The following OLFM3 variants were observed in gnomAD, a reference collection of about 807,000 sequenced individuals.
OLFM3 encodes olfactomedin 3.
OLFM3 carries 20 observed loss-of-function variants against 48.6 expected under a neutral mutation model. That is an observed-to-expected ratio of 0.41 (90% CI 0.29 to 0.60). The LOEUF is 0.60. Among genes scored for constraint, OLFM3 ranks in the 20% least tolerant of loss-of-function variants. The pLI is 0.28. For missense variants in OLFM3, 437 were observed against 544.3 expected, an observed-to-expected ratio of 0.80 and a Z score of 1.96; for synonymous variants, 222 against 198.1, an observed-to-expected ratio of 1.12 and a Z score of -1.01.
At chr1:101,989,562 C>G (rs1255657877) in intron 1 of OLFM3, among the ~76,000 whole-genome samples, 1 of 107,864 alleles carries the variant, frequency 9.3e-6, no homozygotes, top group Non-Finnish European at 2.2e-5. Flanking sequence ...GGGGTCTATT[C>G]TAGATATTAC....
intron 1 of OLFM3, among the ~76,000 whole-genome samples, chr1:101,880,260 C>T (rs181712261): frequency 1.9e-3 from 287 of 151,846 alleles, no homozygotes; most frequent in Admixed American, 3.2e-3. Context: ...ACTTGGATAC[C>T]TGCTATTCTG....
At chr1:101,835,606 C>T (rs971876884) in intron 2 of OLFM3, among the ~76,000 whole-genome samples, 1 of 152,210 alleles carries the variant, frequency 6.6e-6, no homozygotes, top group East Asian at 1.9e-4. Context: ...TGAGCCAGCA[C>T]ACCTGGCCTT....
At chr1:101,895,298 A>C (rs1202146130) in intron 1 of OLFM3, among the ~76,000 whole-genome samples, 2 of 151,620 alleles carry the variant, frequency 1.3e-5, no homozygotes, top group Non-Finnish European at 2.9e-5. Context: ...ACCTCCACTT[A>C]CCTCTGTTGC....
intron 3 of OLFM3, among the ~76,000 whole-genome samples, chr1:101,827,495 AT>A (rs1348600859): frequency 1.3e-5 from 2 of 152,074 alleles, no homozygotes; most frequent in Admixed American, 6.5e-5. Flanking sequence ...AAGTTTTTGT[AT>A]TTTTAGTAGA....
chr1:101,975,792 T>TATC (rs772549457), intron 1 of OLFM3, among the ~76,000 whole-genome samples: 7 of 152,136 alleles, frequency 4.6e-5, no homozygotes, highest in Non-Finnish European at 5.9e-5. Flanking sequence ...CAGAGGCTAC[T>TATC]ATCTTGAGGA....
chr1:101,935,735 C>T (rs1659593429), intron 1 of OLFM3, among the ~76,000 whole-genome samples: 1 of 152,036 alleles, frequency 6.6e-6, no homozygotes, highest in Non-Finnish European at 1.5e-5. Context: ...AACAAAAATA[C>T]CAGCAAACTG....
intron 1 of OLFM3, among the ~76,000 whole-genome samples, chr1:101,882,266 G>A (rs764051017): frequency 2.7e-4 from 40 of 148,422 alleles, no homozygotes; most frequent in Non-Finnish European, 4.9e-4. Context: ...ATTTATGTAT[G>A]TCAAAATCAA....
chr1:101,864,945 T>C (rs190581638), intron 1 of OLFM3, among the ~76,000 whole-genome samples: 172 of 152,334 alleles, frequency 1.1e-3, no homozygotes, highest in Middle Eastern at 3.4e-3. Context: ...CTCAGGATTC[T>C]CCCATTTCTG....
At chr1:101,933,129 G>A (rs1659503992) in intron 1 of OLFM3, among the ~76,000 whole-genome samples, 1 of 149,468 alleles carries the variant, frequency 6.7e-6, no homozygotes, top group African/African-American at 2.5e-5. Flanking sequence ...ATGAACCCGG[G>A]AGGCGGAGCT....
chr1:101,903,436 C>A (rs1472410774), intron 1 of OLFM3, among the ~76,000 whole-genome samples: 2 of 151,898 alleles, frequency 1.3e-5, no homozygotes, highest in African/African-American at 4.8e-5. Context: ...AGATTTAATA[C>A]CAAGGAAAAT....
intron 1 of OLFM3, among the ~76,000 whole-genome samples, chr1:101,906,606 A>T (rs1035314871): frequency 6.6e-6 from 1 of 152,166 alleles, no homozygotes; most frequent in Admixed American, 6.5e-5. Flanking sequence ...AAACAAAACA[A>T]TAAAACCATG....
intron 1 of OLFM3, among the ~76,000 whole-genome samples, chr1:101,851,343 T>C (rs778566107): frequency 2.6e-5 from 4 of 152,172 alleles, no homozygotes; most frequent in Non-Finnish European, 5.9e-5. Flanking sequence ...AGAGACTGAA[T>C]GAGATGACAT....
chr1:101,994,332 T>C (rs1661498241), intron 1 of OLFM3, among the ~76,000 whole-genome samples: 1 of 151,030 alleles, frequency 6.6e-6, no homozygotes, highest in African/African-American at 2.4e-5. Context: ...AGCATTTCTG[T>C]TCATTTAAGT....
rs771853704 is a variant in OLFM3 at position 101,804,196 on chromosome 1, C to T, written c.*42G>A. On this transcript the variant is annotated 3_prime_UTR_variant, in exon 6 of 6. Transcript: ENST00000370103. The surrounding 1 kb of genome is among the most constrained non-coding windows in gnomAD (Gnocchi z 4.5). Reference sequence around the variant, plus strand: ...GGAAGGGGTCTTATAGAGTTTATCACAAATCACACTGTTTAAATCAATGAA... The same window carrying T: ...GGAAGGGGTCTTATAGAGTTTATCATAAATCACACTGTTTAAATCAATGAA... The T allele has an allele frequency of 2.1e-6, 3 of 1,447,296 alleles. No homozygotes were observed. The highest frequency in any genetic ancestry group is 2.8e-6 in the Non-Finnish European group (3 of 1,073,942). 89.7% of individuals were successfully genotyped at this position (1,447,296 alleles called of 1,614,324 possible).
intron 1 of OLFM3, among the ~76,000 whole-genome samples, chr1:101,928,641 G>A (rs529721058): frequency 6.6e-6 from 1 of 151,996 alleles, no homozygotes; most frequent in Non-Finnish European, 1.5e-5. Flanking sequence ...AGATTCTAAG[G>A]GTGTGATAAG....
intron 1 of OLFM3, among the ~76,000 whole-genome samples, chr1:101,944,986 A>C (rs990900242): frequency 6.6e-6 from 1 of 152,202 alleles, no homozygotes; most frequent in Non-Finnish European, 1.5e-5. Flanking sequence ...TTGAAACTAC[A>C]ATGATATACC....
chr1:101,819,735 A>G (rs1487558010), intron 4 of OLFM3, among the ~76,000 whole-genome samples: 2 of 152,096 alleles, frequency 1.3e-5, no homozygotes, highest in Non-Finnish European at 2.9e-5. Context: ...GTACTCCACA[A>G]AAGACATTAT....
In OLFM3 at chr1:101,804,234, T is replaced by A. The variant is rs1432623959; in HGVS notation, c.*4A>T. 1.3e-6 allele frequency: 2 copies of A among 1,559,156 alleles called. No individual in the cohort carries two copies. The highest frequency in any genetic ancestry group is 1.9e-5 in the Admixed American group (1 of 52,384). ...TTAAATCAATGAAAACATGTCACAT[T>A]TGCCTATGTGTCATCCTCTGTCTTG... is the stretch of plus-strand genomic sequence containing the variant. On this transcript the variant is annotated 3_prime_UTR_variant, in exon 6 of 6. Transcript: ENST00000370103. This position sits in a 1 kb window ranked among gnomAD's most constrained non-coding sequence, Gnocchi z 4.5.
chr1:101,923,836 T>A (rs185262191), intron 1 of OLFM3, among the ~76,000 whole-genome samples: 131 of 152,286 alleles, frequency 8.6e-4, no homozygotes, highest in African/African-American at 2.8e-3. Flanking sequence ...TTCTAAAATA[T>A]TCTATATCAT....
Sources: gnomAD v4.1 joint callset for allele counts (sites outside exome capture counted in the v4.1 genomes callset) on GRCh38, gnomAD v4.1.1 for gene constraint, Gnocchi (gnomAD v3.1) non-coding constraint, MANE v1.5 for transcripts, NCBI Gene and HGNC (gene_info 2026-07-23, HGNC 2026-07-21) for gene names.